ATXN7L1: variants seen among roughly 807,000 people sequenced by gnomAD.
ATXN7L1 encodes the protein ataxin 7 like 1, also known as ataxin-7-like protein 1.
In ATXN7L1, 15 loss-of-function variants were observed where a neutral mutation model predicts 70.8. That is an observed-to-expected ratio of 0.21 (90% confidence interval 0.14 to 0.33). The LOEUF (loss-of-function observed/expected upper bound fraction) is 0.33, where lower values mean the gene tolerates loss of function less well. Ranked by LOEUF, ATXN7L1 falls within the 10% of genes least tolerant of loss-of-function variation. The pLI, the probability that ATXN7L1 is intolerant of heterozygous loss-of-function variation, is 1.00. For synonymous variants in ATXN7L1, 440 were observed against 445.1 expected, an observed-to-expected ratio of 0.99 and a Z score of 0.14; for missense variants, 975 against 1,097.1, an observed-to-expected ratio of 0.89 and a Z score of 1.57.
At chr7:105,651,713 G>A (rs1799867546) in intron 4 of ATXN7L1, among the ~76,000 whole-genome samples, 1 of 152,192 alleles carries the variant, frequency 6.6e-6, no homozygotes, top group African/African-American at 2.4e-5. Flanking sequence ...TCTAGGCACT[G>A]CTTAAGCCTG....
Position 105,624,093 on chromosome 7 carries a change from G to A in ATXN7L1, c.1377C>T (p.His459=), listed in dbSNP as rs752188050. ...GGCCTACCGCCAGAGGTCTGGGGTG[G>A]TGCGTGGAGAACTGACAGTCTAGCT... ...SEKLDCQFST[H]HPRPLAFCSF... is the part of the protein sequence containing the mutation. The change falls in exon 8 of 12, where the codon CAC becomes CAT. Residue 459 remains histidine (H), a synonymous_variant. Coordinates refer to ENST00000419735, the MANE Select transcript of ATXN7L1 (RefSeq NM_020725.2). The A allele has an allele frequency of 4.0e-6, 6 of 1,484,548 alleles. No individual in the cohort carries two copies. Among genetic ancestry groups the A allele is most frequent in the Non-Finnish European group, 5.4e-6 (6 of 1,108,260 alleles). 92.0% of individuals were successfully genotyped at this position (1,484,548 alleles called of 1,614,324 possible).
chr7:105,680,415 T>C (rs915889308), intron 3 of ATXN7L1, among the ~76,000 whole-genome samples: 16 of 152,292 alleles, frequency 1.1e-4, no homozygotes, highest in African/African-American at 3.6e-4. Flanking sequence ...CCTTTTCCCC[T>C]CTTGTTGAGA....
chr7:105,796,440 C>A (rs776638667), intron 2 of ATXN7L1, among the ~76,000 whole-genome samples: 1 of 152,176 alleles, frequency 6.6e-6, no homozygotes, highest in African/African-American at 2.4e-5. Flanking sequence ...GTAGGACCTA[C>A]GGATGTGACA....
chr7:105,781,730 C>T (rs1246848355), intron 3 of ATXN7L1, among the ~76,000 whole-genome samples: 11 of 152,182 alleles, frequency 7.2e-5, no homozygotes, highest in East Asian at 5.8e-4. Flanking sequence ...CAACATGAAA[C>T]TTTATGAGAT....
chr7:105,741,223 A>T (rs1343235979), intron 3 of ATXN7L1, among the ~76,000 whole-genome samples: 1 of 152,134 alleles, frequency 6.6e-6, no homozygotes, highest in Non-Finnish European at 1.5e-5. Flanking sequence ...CTCAGGACAG[A>T]ACAGAGCTCA....
intron 3 of ATXN7L1, among the ~76,000 whole-genome samples, chr7:105,756,481 A>G (rs1799822059): frequency 6.6e-6 from 1 of 152,234 alleles, no homozygotes; most frequent in Admixed American, 6.5e-5. Flanking sequence ...TAGGAAACAC[A>G]TTTGGAAAGG....
chr7:105,829,657 C>A (rs575023701), intron 2 of ATXN7L1, among the ~76,000 whole-genome samples: 2 of 152,318 alleles, frequency 1.3e-5, no homozygotes, highest in African/African-American at 4.8e-5. Context: ...CCATCTTCAA[C>A]GTAACCAAAA....
chr7:105,850,237 A>G (rs534393498), intron 2 of ATXN7L1, among the ~76,000 whole-genome samples: 10 of 152,360 alleles, frequency 6.6e-5, no homozygotes, highest in African/African-American at 1.9e-4. Flanking sequence ...CTCCCTGCCT[A>G]GGGCCCTGGT....
intron 3 of ATXN7L1, among the ~76,000 whole-genome samples, chr7:105,733,445 A>C (rs944952447): frequency 1.3e-5 from 2 of 151,736 alleles, no homozygotes; most frequent in African/African-American, 4.8e-5. Flanking sequence ...CAGGGGTACA[A>C]AGGTGAGTAA....
intron 4 of ATXN7L1, among the ~76,000 whole-genome samples, chr7:105,648,661 C>T (rs919826690): frequency 2.0e-5 from 3 of 152,174 alleles, no homozygotes; most frequent in African/African-American, 7.2e-5. Context: ...AGTGCAGTCA[C>T]AGGGAAGCCA....
chr7:105,754,663 T>C (rs986419032), intron 3 of ATXN7L1, among the ~76,000 whole-genome samples: 2 of 152,200 alleles, frequency 1.3e-5, no homozygotes, highest in African/African-American at 4.8e-5. Flanking sequence ...TCTCACTATG[T>C]TGGCCAGGCT....
intron 2 of ATXN7L1, among the ~76,000 whole-genome samples, chr7:105,836,380 C>T (rs1360827559): frequency 6.6e-6 from 1 of 151,888 alleles, no homozygotes; most frequent in Non-Finnish European, 1.5e-5. Flanking sequence ...ACCCAAAGAT[C>T]AGAAAAACAA....
intron 2 of ATXN7L1, among the ~76,000 whole-genome samples, chr7:105,789,105 T>C (rs1804754006): frequency 6.6e-6 from 1 of 152,174 alleles, no homozygotes; most frequent in Non-Finnish European, 1.5e-5. Context: ...TAAGCAGCGG[T>C]CCCTCAGGGA....
At chr7:105,742,941 T>G (rs970435549) in intron 3 of ATXN7L1, among the ~76,000 whole-genome samples, 1 of 152,044 alleles carries the variant, frequency 6.6e-6, no homozygotes, top group East Asian at 1.9e-4. Flanking sequence ...CCTCTCAACA[T>G]GCTTATGCCC....
Position 105,607,608 on chromosome 7 carries a change from T to G in ATXN7L1, c.*244A>C. ...TGGAAGAATGTAAAAACATGGCAAA[T>G]GAAAGGAAAGACAGCGGAAACCAAA... On this transcript the variant is annotated 3_prime_UTR_variant, in exon 12 of 12. Coordinates refer to ENST00000419735, the MANE Select transcript of ATXN7L1 (RefSeq NM_020725.2). 3.7e-6 allele frequency: 2 copies of G among 536,148 alleles called. No individual in the cohort carries two copies. Among genetic ancestry groups the G allele is most frequent in the South Asian group, 2.7e-5 (1 of 36,636 alleles). 33.2% of individuals were successfully genotyped at this position (536,148 alleles called of 1,614,324 possible). A position where few individuals can be genotyped will look rare whatever the true frequency, so the allele number is the denominator to read the frequency against.
chr7:105,633,502 G>A (rs1429640660), intron 7 of ATXN7L1, among the ~76,000 whole-genome samples: 1 of 152,186 alleles, frequency 6.6e-6, no homozygotes, highest in Admixed American at 6.5e-5. Context: ...TGGATCACCT[G>A]AGGTCAGGAG....
chr7:105,683,294 C>G (rs193282203), intron 3 of ATXN7L1, among the ~76,000 whole-genome samples: 1 of 152,158 alleles, frequency 6.6e-6, no homozygotes, highest in Non-Finnish European at 1.5e-5. Context: ...ATCTCCTTTA[C>G]GTATTGATAC....
chr7:105,641,211 TCTC>T (rs1219850496), intron 5 of ATXN7L1, among the ~76,000 whole-genome samples: 8 of 101,466 alleles, frequency 7.9e-5, no homozygotes, highest in African/African-American at 2.3e-4. Context: ...TCTCTCTCTC[TCTC>T]TTTTTTTTTT....
At chr7:105,865,747 T>C (rs747057317) in intron 2 of ATXN7L1, among the ~76,000 whole-genome samples, 4 of 152,152 alleles carry the variant, frequency 2.6e-5, no homozygotes, top group Non-Finnish European at 5.9e-5. Context: ...TGACATTAAG[T>C]ATATTCACAA....
Sources: gnomAD v4.1 joint callset for allele counts (sites outside exome capture counted in the v4.1 genomes callset) on GRCh38, gnomAD v4.1.1 for gene constraint, MANE v1.5 for transcripts, NCBI Gene and HGNC (gene_info 2026-07-23, HGNC 2026-07-21) for gene names.